MAPK9: variants seen among roughly 807,000 people sequenced by gnomAD.
MAPK9 encodes the protein Jun kinase.
A neutral mutation model predicts 57.1 loss-of-function variants in MAPK9; 30 were observed. That is an observed-to-expected ratio of 0.53 (90% confidence interval 0.39 to 0.71). The LOEUF is 0.71. Ranked by LOEUF, MAPK9 falls within the 30% of genes least tolerant of loss-of-function variation. The pLI, the probability that MAPK9 is intolerant of heterozygous loss-of-function variation, is 0.00. For synonymous variants in MAPK9, 155 were observed against 177.0 expected (o/e 0.88, Z 0.99); for missense variants, 362 against 521.0 (o/e 0.69, Z 2.97).
At position 180,261,779 on chromosome 5, in the gene MAPK9, T is replaced by G. The variant is rs768219020; in HGVS notation, c.355A>C (p.Ile119Leu). ...CTTTCATGATCCAGCTCCATGTGAA[T>G]AACCTGACATAAGTTAGCATCCATT... ...ELMDANLCQV[I>L]HMELDHERMS... Residue 119 changes from isoleucine (I) to leucine (L), a missense_variant, in exon 5 of 12, where the codon ATT becomes CTT. Transcript: ENST00000452135. 1 of 1,613,094 alleles carries G rather than the reference T, an allele frequency of 6.2e-7. No individual in the cohort carries two copies. Among genetic ancestry groups the G allele is most frequent in the Non-Finnish European group, 8.5e-7 (1 of 1,179,450 alleles).
intron 2 of MAPK9, among the ~76,000 whole-genome samples, chr5:180,279,401 T>C (rs1762115024): frequency 6.6e-6 from 1 of 152,206 alleles, no homozygotes; most frequent in African/African-American, 2.4e-5. Flanking sequence ...AAAGAAGCTC[T>C]GGACTGCAAT....
chr5:180,278,955 A>C (rs111503275), intron 2 of MAPK9, among the ~76,000 whole-genome samples: 2,462 of 151,098 alleles, frequency 0.016, 47 homozygotes, highest in African/African-American at 0.033. Context: ...CTAACTTTAA[A>C]ACTTTTTTTT....
At chr5:180,237,295 T>C (rs949144682) in intron 11 of MAPK9, 6 of 152,222 alleles carry the variant, frequency 3.9e-5, no homozygotes, top group African/African-American at 1.4e-4. Context: ...GAATAAAAAG[T>C]AAGCTGTGCT....
intron 1 of MAPK9, 90 bp downstream of exon 1, chr5:180,291,758 A>G (rs1463588607): frequency 6.7e-6 from 1 of 148,804 alleles, no homozygotes. Context: ...CCCGCCCCGA[A>G]GCCCCCGGCC....
At chr5:180,267,983 C>T (rs936255814) in intron 3 of MAPK9, among the ~76,000 whole-genome samples, 1 of 152,104 alleles carries the variant, frequency 6.6e-6, no homozygotes, top group Non-Finnish European at 1.5e-5. Flanking sequence ...CCACCTCACC[C>T]TCCTTAATTT....
chr5:180,289,240 C>T lies in MAPK9; in HGVS notation c.-48+2608G>A, dbSNP rs573336061. On this transcript the variant is annotated intron_variant, in intron 1 of 11. Transcript: ENST00000452135. ...AATTAAGAATATTTTATCTTAGACA[C>T]ATTCAAGTATCCCCTCTGTTGTTTA... 3.9e-3 allele frequency among the ~76,000 whole-genome samples: 597 copies of T among 152,270 alleles called. 3 individuals carry two copies. The highest frequency in any genetic ancestry group is 0.014 in the African/African-American group (569 of 41,542).
rs553005990 is a variant in MAPK9 at position 180,289,463 on chromosome 5, T to C, written c.-48+2385A>G. Among the ~76,000 whole-genome samples the C allele has an allele frequency of 6.2e-4, 95 of 152,290 alleles. 1 individual carries two copies. Among genetic ancestry groups the C allele is most frequent in the Admixed American group, 2.2e-3 (33 of 15,306 alleles). Reference sequence around the variant, plus strand: ...AAACATTAAATAGATTGGTGGTCATTCTTCCAGAACAAGTTAAAAGCCAAA... The same window carrying C: ...AAACATTAAATAGATTGGTGGTCATCCTTCCAGAACAAGTTAAAAGCCAAA... On this transcript the variant is annotated intron_variant, in intron 1 of 11. Transcript: ENST00000452135.
intron 5 of MAPK9, chr5:180,253,416 A>G (rs926258477): frequency 6.6e-6 from 1 of 152,442 alleles, no homozygotes. Flanking sequence ...AGCGAAGGAA[A>G]TGCCAACCTC....
intron 6 of MAPK9, 40 bp downstream of exon 6, chr5:180,248,933 T>C: frequency 6.4e-7 from 1 of 1,555,108 alleles, no homozygotes; most frequent in Non-Finnish European, 8.7e-7. Flanking sequence ...TAGAGCAATT[T>C]CTAAACATCC....
intron 5 of MAPK9, among the ~76,000 whole-genome samples, chr5:180,250,524 C>T (rs1011815675): frequency 1.3e-5 from 2 of 152,154 alleles, no homozygotes; most frequent in Admixed American, 1.3e-4. Flanking sequence ...GTAGCACTGC[C>T]TAGCACCTGC....
In MAPK9 at chr5:180,241,615, T is replaced by TA. The variant is rs369334935; in HGVS notation, c.872-461dup. On this transcript the variant is annotated intron_variant, in intron 8 of 11. Coordinates refer to ENST00000452135, the MANE Select transcript of MAPK9 (RefSeq NM_002752.5). The stretch of plus-strand genomic sequence containing the variant: ...CACCCAGCCATAACCCAAACATTTT[T>TA]AAGAAAAAGTCAAATGTCCACTTTC... Among the ~76,000 whole-genome samples, 454 of 152,348 alleles carry TA rather than the reference T, an allele frequency of 3.0e-3. 2 individuals carry two copies. Among genetic ancestry groups the TA allele is most frequent in the Middle Eastern group, 0.024 (7 of 294 alleles).
chr5:180,291,296 C>A (rs1490963771), intron 1 of MAPK9, among the ~76,000 whole-genome samples: 4 of 93,432 alleles, frequency 4.3e-5, no homozygotes, highest in African/African-American at 1.2e-4. Context: ...GAGAGGAGTG[C>A]GCGGGGAGGC....
At chr5:180,250,725 T>C (rs985562770) in intron 5 of MAPK9, among the ~76,000 whole-genome samples, 4 of 152,142 alleles carry the variant, frequency 2.6e-5, no homozygotes, top group African/African-American at 9.7e-5. Flanking sequence ...ATGATAAACA[T>C]ATAATGTTTA....
intron 3 of MAPK9, among the ~76,000 whole-genome samples, chr5:180,266,170 T>C (rs1310895237): frequency 6.6e-6 from 1 of 151,314 alleles, no homozygotes; most frequent in Non-Finnish European, 1.5e-5. Flanking sequence ...CCATAAAAAT[T>C]AAATTACCAA....
At chr5:180,284,807 C>T (rs1465447125) in intron 1 of MAPK9, among the ~76,000 whole-genome samples, 1 of 152,090 alleles carries the variant, frequency 6.6e-6, no homozygotes, top group East Asian at 1.9e-4. Context: ...CAACAGAATG[C>T]AAGGACTTTA....
chr5:180,278,262 G>C (rs1201021903), intron 2 of MAPK9, among the ~76,000 whole-genome samples: 9 of 152,226 alleles, frequency 5.9e-5, no homozygotes, highest in African/African-American at 2.2e-4. Context: ...AAGCAAGTGA[G>C]CCTTCCTAGT....
At chr5:180,257,139 T>C (rs1348858379) in intron 5 of MAPK9, among the ~76,000 whole-genome samples, 2 of 152,220 alleles carry the variant, frequency 1.3e-5, no homozygotes, top group East Asian at 3.8e-4. Flanking sequence ...TGGGAGGCTG[T>C]CAGCTAGCCC....
intron 1 of MAPK9, among the ~76,000 whole-genome samples, chr5:180,284,805 T>C (rs1019851237): frequency 1.3e-5 from 2 of 152,168 alleles, no homozygotes; most frequent in Non-Finnish European, 2.9e-5. Context: ...TTCAACAGAA[T>C]GCAAGGACTT....
intron 2 of MAPK9, among the ~76,000 whole-genome samples, chr5:180,269,746 T>C (rs1041824066): frequency 3.9e-5 from 6 of 152,216 alleles, no homozygotes; most frequent in Non-Finnish European, 8.8e-5. Context: ...AGTTTAAACA[T>C]GACAAGAAGT....
Sources: gnomAD v4.1 joint callset for allele counts (sites outside exome capture counted in the v4.1 genomes callset) on GRCh38, gnomAD v4.1.1 for gene constraint, MANE v1.5 for transcripts, NCBI Gene and HGNC (gene_info 2026-07-23, HGNC 2026-07-21) for gene names.